The following AP3B1 variants were observed in gnomAD, a reference collection of about 807,000 sequenced individuals.
The protein encoded by AP3B1 is AP-3 complex subunit beta-1.
A neutral mutation model predicts 132.5 loss-of-function variants in AP3B1; 61 were observed. The observed-to-expected ratio is 0.46, with a 90% CI of 0.37 to 0.57. AP3B1 has a LOEUF of 0.57. AP3B1 is among the 20% of genes least tolerant of loss of function. AP3B1 has a pLI of 0.00. For synonymous variants in AP3B1, 388 were observed against 438.3 expected, an observed-to-expected ratio of 0.89 and a Z score of 1.43; for missense variants, 1,120 against 1,289.4, an observed-to-expected ratio of 0.87 and a Z score of 2.01.
At chr5:78,204,631 GC>G (rs1251972845) in intron 7 of AP3B1, among the ~76,000 whole-genome samples, 5 of 152,104 alleles carry the variant, frequency 3.3e-5, no homozygotes, top group African/African-American at 1.2e-4. Context: ...GCCCCAAGGG[GC>G]ATTAGTAGAT....
intron 26 of AP3B1, 116 bp downstream of exon 26, chr5:78,015,294 G>A (rs1580240887): frequency 8.5e-5 from 88 of 1,040,506 alleles, no homozygotes; most frequent in Admixed American, 3.4e-4. Context: ...GGGAGTGTGT[G>A]TATATATATA....
At chr5:78,137,002 T>C (rs554201811) in intron 15 of AP3B1, among the ~76,000 whole-genome samples, 2 of 152,298 alleles carry the variant, frequency 1.3e-5, no homozygotes, top group African/African-American at 4.8e-5. Flanking sequence ...CTATTTACCA[T>C]ATTATGCAAC....
chr5:78,276,880 A>G (rs1037938860), intron 1 of AP3B1, among the ~76,000 whole-genome samples: 1 of 150,296 alleles, frequency 6.7e-6, no homozygotes, highest in Admixed American at 6.6e-5. Context: ...AAAAAAAAAA[A>G]AAGAAGAAGA....
intron 22 of AP3B1, among the ~76,000 whole-genome samples, chr5:78,048,166 G>A (rs918584294): frequency 6.6e-6 from 1 of 152,186 alleles, no homozygotes; most frequent in Admixed American, 6.5e-5. Context: ...GAAAATCCAT[G>A]TTATGACTTT....
intron 26 of AP3B1, among the ~76,000 whole-genome samples, chr5:78,013,839 A>G (rs1156890139): frequency 6.6e-6 from 1 of 152,098 alleles, no homozygotes; most frequent in East Asian, 1.9e-4. Flanking sequence ...TCACCATCCT[A>G]TGTGAGATAG....
chr5:78,032,159 A>T (rs1264255236), intron 24 of AP3B1, among the ~76,000 whole-genome samples: 1 of 152,194 alleles, frequency 6.6e-6, no homozygotes, highest in Non-Finnish European at 1.5e-5. Flanking sequence ...GTCTATATCT[A>T]TTTATCCATA....
chr5:78,019,231 C>T (rs1422178964), intron 25 of AP3B1, among the ~76,000 whole-genome samples: 1 of 152,098 alleles, frequency 6.6e-6, no homozygotes, highest in African/African-American at 2.4e-5. Context: ...TCTCCAAGTG[C>T]ACCTCTCTCA....
intron 15 of AP3B1, among the ~76,000 whole-genome samples, chr5:78,138,862 C>T (rs900966522): frequency 6.7e-6 from 1 of 149,494 alleles, no homozygotes; most frequent in Non-Finnish European, 1.5e-5. Flanking sequence ...CCCAGCTACT[C>T]AGTGGGCTGA....
At chr5:78,014,421 A>G (rs780351347) in intron 26 of AP3B1, among the ~76,000 whole-genome samples, 1 of 152,114 alleles carries the variant, frequency 6.6e-6, no homozygotes, top group African/African-American at 2.4e-5. Flanking sequence ...ATTTCCAAAC[A>G]CATAAGGAAT....
chr5:78,269,131 C>T lies in AP3B1; in HGVS notation c.129-1536G>A, dbSNP rs1748449395. Among the ~76,000 whole-genome samples, 3 of 152,124 alleles carry T rather than the reference C, an allele frequency of 2.0e-5. 1 individual carries two copies. Among genetic ancestry groups the T allele is most frequent in the Non-Finnish European group, 4.4e-5 (3 of 68,030 alleles). ...TGTATTACTGCATAAATCTTAGATA[C>T]TATTTTGTTAAATATCAATATTTGA... is the stretch of plus-strand genomic sequence containing the variant. On this transcript the variant is annotated intron_variant, in intron 1 of 26. Coordinates refer to ENST00000255194, the MANE Select transcript of AP3B1 (RefSeq NM_003664.5).
chr5:78,182,748 T>A (rs926431095), intron 7 of AP3B1, among the ~76,000 whole-genome samples: 3 of 152,060 alleles, frequency 2.0e-5, no homozygotes, highest in Non-Finnish European at 4.4e-5. Context: ...CCTACCCCCA[T>A]CCCCACCAGT....
chr5:78,276,347 T>C (rs1748774854), intron 1 of AP3B1, among the ~76,000 whole-genome samples: 1 of 152,174 alleles, frequency 6.6e-6, no homozygotes, highest in Non-Finnish European at 1.5e-5. Context: ...GGATTGCAAG[T>C]GTGAGCCACC....
chr5:78,084,191 G>A (rs1750133161), intron 22 of AP3B1, among the ~76,000 whole-genome samples: 1 of 152,046 alleles, frequency 6.6e-6, no homozygotes, highest in Non-Finnish European at 1.5e-5. Context: ...CAATTAATTA[G>A]TAGTGGTGAT....
chr5:78,269,651 G>T (rs1304385039), intron 1 of AP3B1, among the ~76,000 whole-genome samples: 1 of 152,100 alleles, frequency 6.6e-6, no homozygotes, highest in African/African-American at 2.4e-5. Flanking sequence ...TTAAGACTAT[G>T]TAGTACTGTA....
chr5:78,020,489 A>G (rs1747044298), intron 25 of AP3B1, among the ~76,000 whole-genome samples: 1 of 152,096 alleles, frequency 6.6e-6, no homozygotes, highest in African/African-American at 2.4e-5. Flanking sequence ...AAGACATATT[A>G]ATCAATTTTC....
At chr5:78,183,415 C>G (rs1291064135) in intron 7 of AP3B1, among the ~76,000 whole-genome samples, 2 of 152,086 alleles carry the variant, frequency 1.3e-5, no homozygotes, top group Non-Finnish European at 1.5e-5. Flanking sequence ...AAAGGAAGAT[C>G]TCAAACTGAA....
intron 22 of AP3B1, among the ~76,000 whole-genome samples, chr5:78,087,856 C>T (rs1750331385): frequency 6.6e-6 from 1 of 152,100 alleles, no homozygotes; most frequent in South Asian, 2.1e-4. Context: ...GGAGAATATT[C>T]GTTAATATTT....
At chr5:78,110,684 CTGTGTGTGTGTG>C (rs144921350) in intron 19 of AP3B1, among the ~76,000 whole-genome samples, 1 of 143,484 alleles carries the variant, frequency 7.0e-6, no homozygotes, top group Non-Finnish European at 1.5e-5. Flanking sequence ...AATACTGTGC[CTGTGTGTGTGTG>C]TGTGTGTGTG....
intron 14 of AP3B1, among the ~76,000 whole-genome samples, chr5:78,149,265 G>C (rs1753544450): frequency 6.6e-6 from 1 of 152,182 alleles, no homozygotes. Context: ...ACAACATAAT[G>C]CACTGGTTAA....
Sources: allele counts gnomAD v4.1 joint callset (sites outside exome capture counted in the v4.1 genomes callset), GRCh38; gene constraint gnomAD v4.1.1; transcripts MANE v1.5; gene names NCBI Gene and HGNC (gene_info 2026-07-23, HGNC 2026-07-21).